The following MTMR8 variants were observed in gnomAD, a reference collection of about 807,000 sequenced individuals.
MTMR8 encodes the protein myotubularin related protein 8.
A neutral mutation model predicts 39.3 loss-of-function variants in MTMR8; 65 were observed. The observed-to-expected ratio is 1.65, with a 90% CI of 1.35 to 2.03. The LOEUF (loss-of-function observed/expected upper bound fraction) is 2.03, where lower values mean the gene tolerates loss of function less well. Ranked by LOEUF, MTMR8 falls within the 30% of genes most tolerant of loss-of-function variation. MTMR8 has a pLI of 0.00. For missense variants in MTMR8, 777 were observed against 538.9 expected (o/e 1.44, Z -4.37); for synonymous variants, 245 against 185.2 (o/e 1.32, Z -2.62).
chrX:64,373,368 C>A (rs1303412224), intron 1 of MTMR8, among the ~76,000 whole-genome samples: 1 of 111,324 alleles, frequency 9.0e-6, no homozygotes, highest in Non-Finnish European at 1.9e-5. Context: ...ATAGTGAGTT[C>A]TCATGAGATC....
At chrX:64,392,682 C>T (rs1305125211) in intron 1 of MTMR8, among the ~76,000 whole-genome samples, 2 of 110,911 alleles carry the variant, frequency 1.8e-5, no homozygotes, top group African/African-American at 6.6e-5. Flanking sequence ...TGAATACTTC[C>T]AATCTATACA....
intron 13 of MTMR8, among the ~76,000 whole-genome samples, chrX:64,270,561 G>C (rs1013257810): frequency 4.5e-5 from 5 of 112,352 alleles, no homozygotes; most frequent in African/African-American, 1.6e-4. Context: ...ATCTTCTTTT[G>C]TAAGATTTTC....
intron 12 of MTMR8, among the ~76,000 whole-genome samples, chrX:64,316,563 A>T (rs1215329924): frequency 9.0e-6 from 1 of 111,501 alleles, no homozygotes; most frequent in Non-Finnish European, 1.9e-5. Context: ...CAGGAGGATC[A>T]TTTGAGCCTG....
At chrX:64,375,866 G>A (rs1187721737) in intron 1 of MTMR8, among the ~76,000 whole-genome samples, 1 of 111,928 alleles carries the variant, frequency 8.9e-6, no homozygotes, top group African/African-American at 3.2e-5. Flanking sequence ...AATCCTCAGT[G>A]GTGGAGGACA....
chrX:64,298,414 T>C (rs1324829015), intron 12 of MTMR8, among the ~76,000 whole-genome samples: 1 of 87,449 alleles, frequency 1.1e-5, no homozygotes, highest in Non-Finnish European at 2.1e-5. Flanking sequence ...CTTGTGATTT[T>C]TGTACATTGA....
At chrX:64,333,937 C>G (rs1322556342) in intron 10 of MTMR8, among the ~76,000 whole-genome samples, 1 of 111,863 alleles carries the variant, frequency 8.9e-6, no homozygotes, top group East Asian at 2.8e-4. Flanking sequence ...ACTAATCACT[C>G]TTTCACAGTC....
intron 12 of MTMR8, among the ~76,000 whole-genome samples, chrX:64,307,417 T>C (rs1256107030): frequency 8.9e-6 from 1 of 111,917 alleles, no homozygotes; most frequent in Admixed American, 9.5e-5. Flanking sequence ...AGGTTAATTT[T>C]GAGCGGAGAG....
intron 1 of MTMR8, among the ~76,000 whole-genome samples, chrX:64,380,095 C>G (rs768224063): frequency 8.9e-6 from 1 of 112,152 alleles, no homozygotes; most frequent in South Asian, 3.7e-4. Flanking sequence ...GCCTCACAAA[C>G]ACAAACCTCC....
intron 1 of MTMR8, among the ~76,000 whole-genome samples, chrX:64,370,197 A>T (rs1049215940): frequency 9.0e-6 from 1 of 111,163 alleles, no homozygotes; most frequent in Admixed American, 9.6e-5. Flanking sequence ...AAAACAAACT[A>T]AAAAGCCATC....
intron 8 of MTMR8, among the ~76,000 whole-genome samples, chrX:64,340,966 A>G (rs200286234): frequency 8.9e-6 from 1 of 112,284 alleles, no homozygotes; most frequent in East Asian, 2.8e-4. Flanking sequence ...ACATCTATTA[A>G]AATCTGAAAT....
At chrX:64,383,285 G>A (rs1924478342) in intron 1 of MTMR8, among the ~76,000 whole-genome samples, 1 of 109,612 alleles carries the variant, frequency 9.1e-6, no homozygotes, top group African/African-American at 3.3e-5. Context: ...CTTGCTGGAG[G>A]CATATAAATA....
chrX:64,389,488 A>G (rs1339183440), intron 1 of MTMR8, among the ~76,000 whole-genome samples: 1 of 112,393 alleles, frequency 8.9e-6, no homozygotes, highest in African/African-American at 3.2e-5. Context: ...TTTCCCAAGT[A>G]CAAAATGAGG....
At chrX:64,374,550 C>T (rs1924213562) in intron 1 of MTMR8, among the ~76,000 whole-genome samples, 1 of 111,139 alleles carries the variant, frequency 9.0e-6, no homozygotes, top group Admixed American at 9.6e-5. Context: ...CAAGGAAGTA[C>T]CATCAGTATT....
In MTMR8 at chrX:64,350,058, AG is replaced by A; in HGVS notation, c.480del (p.Tyr161ThrfsTer5). 1 of 1,158,247 alleles carries A rather than the reference AG, an allele frequency of 8.6e-7. No homozygotes were observed. Among genetic ancestry groups the A allele is most frequent in the Non-Finnish European group, 1.2e-6 (1 of 862,420 alleles). On this transcript the variant is annotated frameshift_variant, in exon 5 of 14. Coordinates refer to ENST00000374852, the MANE Select transcript of MTMR8 (RefSeq NM_017677.4). LOFTEE classifies it high-confidence loss of function. ...DANRNYEICSTYPPEIVVPKS... is the reference protein window; with the variant it reads ...DANRNYEICSXYPPEIVVPKS... ...TTAGGAACCACTATTTCAGGAGGGT[AG>A]GTGCTGCATATCTAAAAGAAAATAA...
rs1931688488 is a variant in MTMR8 at position 64,268,762 on chromosome X, G to A, written c.1890C>T (p.Ile630=). Residue 630 remains isoleucine, a synonymous_variant, in exon 14 of 14, where the codon ATC becomes ATT. Transcript: ENST00000374852. ...RAINISGDVG[I]SEAMGISGDM... Reference sequence around the variant, plus strand: ...CTCCAGAGATGCCCATGGCCTCAGAGATGCCCACATCCCCAGAGATATTTA... The same window carrying A: ...CTCCAGAGATGCCCATGGCCTCAGAAATGCCCACATCCCCAGAGATATTTA... 1 of 1,209,961 alleles carries A rather than the reference G, an allele frequency of 8.3e-7. No homozygotes were observed. Among genetic ancestry groups the A allele is most frequent in the Non-Finnish European group, 1.1e-6 (1 of 895,322 alleles).
intron 12 of MTMR8, among the ~76,000 whole-genome samples, chrX:64,284,272 GA>G (rs1355413491): frequency 1.8e-5 from 2 of 111,656 alleles, no homozygotes; most frequent in Non-Finnish European, 3.8e-5. Context: ...GAAGTTTAGA[GA>G]AAAAAGAATA....
chrX:64,269,281 G>T (rs939551428), intron 13 of MTMR8, among the ~76,000 whole-genome samples: 1 of 111,673 alleles, frequency 9.0e-6, no homozygotes, highest in East Asian at 2.8e-4. Flanking sequence ...TATGATAAGT[G>T]CAATTTTGTT....
chrX:64,344,849 A>G (rs763801478), intron 7 of MTMR8, among the ~76,000 whole-genome samples, 196 bp downstream of exon 7: 12 of 111,406 alleles, frequency 1.1e-4, no homozygotes, highest in Admixed American at 4.8e-4. Flanking sequence ...TGCACATCTT[A>G]GTCCCTTTTC....
chrX:64,295,679 A>G (rs1921552605), intron 12 of MTMR8, among the ~76,000 whole-genome samples: 1 of 112,077 alleles, frequency 8.9e-6, no homozygotes. Context: ...AAGAAGATAT[A>G]CAAATGGACA....
Sources: gnomAD v4.1 joint callset for allele counts (sites outside exome capture counted in the v4.1 genomes callset) on GRCh38, gnomAD v4.1.1 for gene constraint, MANE v1.5 for transcripts, NCBI Gene and HGNC (gene_info 2026-07-23, HGNC 2026-07-21) for gene names.